KCNN2: variants seen among roughly 807,000 people sequenced by gnomAD.
KCNN2 encodes potassium calcium-activated channel subfamily N member 2, also known as small conductance calcium-activated potassium channel protein 2.
In KCNN2, 24 loss-of-function variants were observed where a neutral mutation model predicts 55.5. The observed-to-expected ratio is 0.43, with a 90% confidence interval of 0.31 to 0.61. The LOEUF (loss-of-function observed/expected upper bound fraction) is 0.61, where lower values mean the gene tolerates loss of function less well. Among genes scored for constraint, KCNN2 ranks in the 20% least tolerant of loss-of-function variants. The probability of loss-of-function intolerance (pLI) is 0.08; values close to 1 mark genes in which losing one functional copy is unlikely to be tolerated. For missense variants in KCNN2, 754 were observed against 853.6 expected, an observed-to-expected ratio of 0.88 and a Z score of 1.45; for synonymous variants, 431 against 336.1, an observed-to-expected ratio of 1.28 and a Z score of -3.09.
chr5:114,414,556 G>T (rs1322564529), intron 3 of KCNN2, among the ~76,000 whole-genome samples: 3 of 152,050 alleles, frequency 2.0e-5, no homozygotes, highest in African/African-American at 7.2e-5. Context: ...TTCCAATGCT[G>T]TTTTGTCTCT....
At chr5:114,429,534 T>C (rs879717675) in intron 3 of KCNN2, among the ~76,000 whole-genome samples, 25 of 152,134 alleles carry the variant, frequency 1.6e-4, no homozygotes, top group Non-Finnish European at 3.1e-4. Flanking sequence ...AAGTGTTCTT[T>C]GTATCTCTTG....
At chr5:114,123,841 C>T (rs1751875808) in intron 1 of KCNN2, among the ~76,000 whole-genome samples, 1 of 152,102 alleles carries the variant, frequency 6.6e-6, no homozygotes, top group African/African-American at 2.4e-5. Flanking sequence ...AAACTTTGTC[C>T]CCTTGGGGAC....
chr5:114,166,386 T>C (rs1331902049), intron 1 of KCNN2, among the ~76,000 whole-genome samples: 1 of 152,188 alleles, frequency 6.6e-6, no homozygotes, highest in Admixed American at 6.6e-5. Context: ...GAGTGTTACA[T>C]GCTGCCTTCG....
chr5:114,374,076 T>A (rs961398475), intron 2 of KCNN2, among the ~76,000 whole-genome samples: 2 of 152,084 alleles, frequency 1.3e-5, no homozygotes, highest in African/African-American at 2.4e-5. Flanking sequence ...TCAGGTACTA[T>A]GATGTTAGGC....
chr5:114,160,492 TG>T (rs761462544), intron 1 of KCNN2, among the ~76,000 whole-genome samples: 3 of 152,158 alleles, frequency 2.0e-5, no homozygotes, highest in Non-Finnish European at 2.9e-5. Context: ...TGATTTGGGG[TG>T]GAGAGTTCTG....
chr5:114,122,832 A>G (rs1751852262), intron 1 of KCNN2, among the ~76,000 whole-genome samples: 1 of 152,222 alleles, frequency 6.6e-6, no homozygotes, highest in Non-Finnish European at 1.5e-5. Flanking sequence ...TAGAAGAGAA[A>G]TCACCCCTGG....
At chr5:114,407,668 G>A (rs1185022103) in intron 3 of KCNN2, among the ~76,000 whole-genome samples, 1 of 152,184 alleles carries the variant, frequency 6.6e-6, no homozygotes, top group Non-Finnish European at 1.5e-5. Context: ...CATATTTTGT[G>A]TCTTCTCTGA....
At chr5:114,265,188 G>A (rs975332765) in intron 2 of KCNN2, among the ~76,000 whole-genome samples, 1 of 152,040 alleles carries the variant, frequency 6.6e-6, no homozygotes, top group African/African-American at 2.4e-5. Flanking sequence ...CCAATCATTT[G>A]TAGATATATT....
chr5:114,122,580 A>G (rs1751847611), intron 1 of KCNN2, among the ~76,000 whole-genome samples: 1 of 152,140 alleles, frequency 6.6e-6, no homozygotes, highest in Admixed American at 6.5e-5. Flanking sequence ...TTCACTCCCT[A>G]GGGATGTCTT....
chr5:114,450,816 A>C (rs976452618), intron 3 of KCNN2, among the ~76,000 whole-genome samples: 2 of 152,242 alleles, frequency 1.3e-5, no homozygotes, highest in African/African-American at 4.8e-5. Context: ...GCATTTAACA[A>C]AACACTGTTC....
At chr5:114,243,936 T>C (rs1184757620) in intron 2 of KCNN2, among the ~76,000 whole-genome samples, 2 of 152,198 alleles carry the variant, frequency 1.3e-5, no homozygotes, top group Non-Finnish European at 2.9e-5. Flanking sequence ...CTTAAACTAC[T>C]GCGGATTGCA....
intron 1 of KCNN2, among the ~76,000 whole-genome samples, chr5:114,190,732 T>C (rs185727966): frequency 6.6e-6 from 1 of 152,320 alleles, no homozygotes; most frequent in African/African-American, 2.4e-5. Flanking sequence ...TTAAAAAATA[T>C]ATCAGTATGT....
intron 2 of KCNN2, among the ~76,000 whole-genome samples, chr5:114,391,981 C>T (rs1464872296): frequency 6.6e-6 from 1 of 151,870 alleles, no homozygotes; most frequent in African/African-American, 2.4e-5. Context: ...TCAGCCATGT[C>T]TGTCTTTTTT....
intron 5 of KCNN2, among the ~76,000 whole-genome samples, chr5:114,483,942 C>T (rs923760452): frequency 1.3e-5 from 2 of 151,968 alleles, no homozygotes; most frequent in East Asian, 1.9e-4. Context: ...AGATTCAGTA[C>T]GTAGGTTGAA....
intron 1 of KCNN2, among the ~76,000 whole-genome samples, chr5:114,072,414 T>G (rs942784018): frequency 6.6e-5 from 10 of 152,160 alleles, no homozygotes; most frequent in African/African-American, 2.4e-4. Context: ...AAGAGCATAG[T>G]AATCCATAGT....
At chr5:114,344,461 A>T (rs1263123726) in intron 2 of KCNN2, among the ~76,000 whole-genome samples, 2 of 152,196 alleles carry the variant, frequency 1.3e-5, no homozygotes, top group African/African-American at 4.8e-5. Context: ...GACAATATGC[A>T]TGGAGTATTA....
intron 1 of KCNN2, among the ~76,000 whole-genome samples, chr5:114,170,694 G>A (rs1270701814): frequency 6.6e-6 from 1 of 151,628 alleles, no homozygotes; most frequent in Non-Finnish European, 1.5e-5. Flanking sequence ...TTTGTACTCA[G>A]TTTCAGAGTA....
At chr5:114,181,216 G>T (rs2112553430) in intron 1 of KCNN2, among the ~76,000 whole-genome samples, 1 of 152,220 alleles carries the variant, frequency 6.6e-6, no homozygotes, top group East Asian at 1.9e-4. Flanking sequence ...TTCCAAAGTG[G>T]TTGCATCATT....
chr5:114,121,629 G>C (rs1181935357), intron 1 of KCNN2, among the ~76,000 whole-genome samples: 4 of 152,142 alleles, frequency 2.6e-5, no homozygotes, highest in African/African-American at 4.8e-5. Flanking sequence ...CATACTACAT[G>C]TTGGGCCATG....
Sources: allele counts gnomAD v4.1 joint callset (sites outside exome capture counted in the v4.1 genomes callset), GRCh38; gene constraint gnomAD v4.1.1; transcripts MANE v1.5; gene names NCBI Gene and HGNC (gene_info 2026-07-23, HGNC 2026-07-21).